STYX: variants seen among roughly 807,000 people sequenced by gnomAD.
STYX encodes serine/threonine/tyrosine interacting protein.
In STYX, 20 loss-of-function variants were observed where a neutral mutation model predicts 42.7. The observed-to-expected ratio is 0.47, with a 90% CI of 0.33 to 0.68. The LOEUF (loss-of-function observed/expected upper bound fraction) is 0.68, where lower values mean the gene tolerates loss of function less well. STYX is among the 30% of genes least tolerant of loss of function. The pLI, the probability that STYX is intolerant of heterozygous loss-of-function variation, is 0.02. For missense variants in STYX, 226 were observed against 268.5 expected (o/e 0.84, Z 1.11); for synonymous variants, 78 against 81.9 (o/e 0.95, Z 0.26).
chr14:52,732,260 G>A (rs1431674075), intron 1 of STYX, among the ~76,000 whole-genome samples: 1 of 134,310 alleles, frequency 7.4e-6, no homozygotes, highest in Non-Finnish European at 1.6e-5. Flanking sequence ...GCACCGCCAG[G>A]CCCAGCTTTT....
intron 9 of STYX, among the ~76,000 whole-genome samples, chr14:52,767,168 A>G (rs2139936725): frequency 6.6e-6 from 1 of 152,302 alleles, no homozygotes; most frequent in African/African-American, 2.4e-5. Context: ...AGATGCACGT[A>G]TTTGGGGAAA....
rs1882548310 is a variant in STYX at position 52,772,426 on chromosome 14, TTAGTTTGTGTGTATAA to T, written c.*1321_*1336del. Reference sequence around the variant, plus strand: ...CACTTTATGGATTTTTGGCTATGTTTTAGTTTGTGTGTATAAAAGTTCTAAGAAAACATTTTTGCTA... The same window carrying T: ...CACTTTATGGATTTTTGGCTATGTTTAAGTTCTAAGAAAACATTTTTGCTA... On this transcript the variant is annotated 3_prime_UTR_variant, in exon 11 of 11. Coordinates refer to ENST00000354586, the MANE Select transcript of STYX (RefSeq NM_145251.4). 1.3e-5 allele frequency: 2 copies of T among 152,624 alleles called. No individual in the cohort carries two copies. Among genetic ancestry groups the T allele is most frequent in the African/African-American group, 4.8e-5 (2 of 41,460 alleles). The allele number at this position is 152,624 out of a possible 1,614,324, so 9.5% of individuals were successfully genotyped here.
At chr14:52,735,293 C>G (rs1880905712) in intron 1 of STYX, among the ~76,000 whole-genome samples, 1 of 152,168 alleles carries the variant, frequency 6.6e-6, no homozygotes, top group Non-Finnish European at 1.5e-5. Flanking sequence ...ACACTTCCAG[C>G]TTCTGTGTTT....
chr14:52,768,025 C>T (rs1205320892), intron 9 of STYX, among the ~76,000 whole-genome samples: 1 of 152,030 alleles, frequency 6.6e-6, no homozygotes, highest in Non-Finnish European at 1.5e-5. Context: ...TAATATGTCC[C>T]ACCTTCTCCC....
intron 4 of STYX, among the ~76,000 whole-genome samples, chr14:52,755,618 A>G (rs1181597150): frequency 6.6e-6 from 1 of 151,862 alleles, no homozygotes; most frequent in Non-Finnish European, 1.5e-5. Flanking sequence ...ATAAGCTAAC[A>G]TATTTAAAAT....
rs1336612691 is a variant in STYX at position 52,773,851 on chromosome 14, T to C, written c.*2745T>C. 6.6e-6 allele frequency: 1 copy of C among 152,182 alleles called. No individual in the cohort carries two copies. The highest frequency in any genetic ancestry group is 6.5e-5 in the Admixed American group (1 of 15,276). 9.4% of individuals were successfully genotyped at this position (152,182 alleles called of 1,614,324 possible). A position where few individuals can be genotyped will look rare whatever the true frequency, so the allele number is the denominator to read the frequency against. On this transcript the variant is annotated 3_prime_UTR_variant, in exon 11 of 11. Transcript: ENST00000354586. ...TATGATAAATTTAACTGATCATGAT[T>C]TATCTTCTAGAGTATTTAAATAATG...
At chr14:52,766,028 G>A (rs975769851) in intron 9 of STYX, among the ~76,000 whole-genome samples, 1 of 152,028 alleles carries the variant, frequency 6.6e-6, no homozygotes, top group Non-Finnish European at 1.5e-5. Flanking sequence ...AGGGGGTCTC[G>A]CACTGTCACC....
intron 9 of STYX, among the ~76,000 whole-genome samples, chr14:52,764,550 A>G (rs1277707456): frequency 6.6e-6 from 1 of 150,852 alleles, no homozygotes; most frequent in Non-Finnish European, 1.5e-5. Context: ...TTATTATTTC[A>G]TATTATGCTT....
intron 1 of STYX, among the ~76,000 whole-genome samples, chr14:52,742,135 G>C (rs1311074062): frequency 2.0e-5 from 3 of 152,180 alleles, no homozygotes; most frequent in African/African-American, 7.2e-5. Context: ...CCCCAAACTT[G>C]AGTGGATGCC....
chr14:52,758,973 T>C (rs1166177119), intron 8 of STYX, among the ~76,000 whole-genome samples: 2 of 152,212 alleles, frequency 1.3e-5, no homozygotes, highest in African/African-American at 4.8e-5. Flanking sequence ...AGACCATTAA[T>C]GTTGGAAATA....
rs1394671383 is a variant in STYX at position 52,757,319 on chromosome 14, A to G, written c.304A>G (p.Thr102Ala). The G allele has an allele frequency of 2.5e-6, 4 of 1,606,318 alleles. No individual in the cohort carries two copies. Among genetic ancestry groups the G allele is most frequent in the Non-Finnish European group, 3.4e-6 (4 of 1,175,074 alleles). Residue 102 changes from threonine to alanine, a missense_variant and splice_region_variant, in exon 6 of 11, where the codon ACT (threonine) becomes GCT (alanine). Thr to Ala is a moderately conservative substitution (Grantham distance 58, BLOSUM62 0). Coordinates refer to ENST00000354586, the MANE Select transcript of STYX (RefSeq NM_145251.4). ...TAATCCACATGTCTTTTGCCTCCAGACTAAGGAATTTATTGATGGGAGCTT... is the reference window on the plus strand; with the variant it reads ...TAATCCACATGTCTTTTGCCTCCAGGCTAAGGAATTTATTGATGGGAGCTT... ...VENIIRFFPM[T>A]KEFIDGSLQM... is the part of the protein sequence containing the mutation.
intron 1 of STYX, 47 bp downstream of exon 1, chr14:52,730,578 C>T (rs1880655809): frequency 6.3e-7 from 1 of 1,596,426 alleles, no homozygotes; most frequent in African/African-American, 1.3e-5. Flanking sequence ...CCCTGTGGCT[C>T]CGGCCGAGGG....
At chr14:52,745,894 C>T (rs1881376674) in intron 2 of STYX, among the ~76,000 whole-genome samples, 1 of 152,118 alleles carries the variant, frequency 6.6e-6, no homozygotes, top group South Asian at 2.1e-4. Flanking sequence ...CCACAAAAGC[C>T]TGGTGGAAGA....
At chr14:52,745,626 A>C (rs964800138) in intron 2 of STYX, among the ~76,000 whole-genome samples, 2 of 152,244 alleles carry the variant, frequency 1.3e-5, no homozygotes, top group African/African-American at 4.8e-5. Flanking sequence ...ATCAAATTGA[A>C]TACTTTCAGT....
intron 1 of STYX, among the ~76,000 whole-genome samples, chr14:52,732,292 A>T (rs200484685): frequency 1.6e-5 from 2 of 124,006 alleles, no homozygotes; most frequent in Admixed American, 8.4e-5. Context: ...TTTGAGACAG[A>T]GTCTCACTCT....
At chr14:52,751,130 A>G (rs1881593347) in intron 4 of STYX, among the ~76,000 whole-genome samples, 1 of 152,110 alleles carries the variant, frequency 6.6e-6, no homozygotes, top group Admixed American at 6.5e-5. Context: ...ATCTACTGTT[A>G]CCTCTTTATT....
intron 1 of STYX, among the ~76,000 whole-genome samples, chr14:52,738,006 GACCCTGTGATCC>G (rs1018366334): frequency 6.6e-6 from 1 of 152,156 alleles, no homozygotes; most frequent in Non-Finnish European, 1.5e-5. Context: ...TCGATCTCCT[GACCCTGTGATCC>G]ACCCTCCTTG....
chr14:52,756,780 C>G (rs1411532816), intron 5 of STYX, among the ~76,000 whole-genome samples, 169 bp downstream of exon 5: 1 of 145,688 alleles, frequency 6.9e-6, no homozygotes, highest in African/African-American at 2.5e-5. Context: ...CTCTGCTTCC[C>G]GGGTTCAAGT....
rs116838457 is a variant in STYX, at chr14:52,772,527, G to A, written c.*1421G>A. 7.1e-4 allele frequency: 108 copies of A among 152,408 alleles called. 1 individual carries two copies. Among genetic ancestry groups the A allele is most frequent in the African/African-American group, 2.5e-3 (104 of 41,478 alleles). 9.4% of individuals were successfully genotyped at this position (152,408 alleles called of 1,614,324 possible). On this transcript the variant is annotated 3_prime_UTR_variant, in exon 11 of 11. Coordinates refer to ENST00000354586, the MANE Select transcript of STYX (RefSeq NM_145251.4). Reference sequence around the variant, plus strand: ...AACTTTTTATAGTTGATGACTTTAGGGTAGCACAAACAAAACTCCTTTGTA... The same window carrying A: ...AACTTTTTATAGTTGATGACTTTAGAGTAGCACAAACAAAACTCCTTTGTA...
Sources: allele counts gnomAD v4.1 joint callset (sites outside exome capture counted in the v4.1 genomes callset), GRCh38; gene constraint gnomAD v4.1.1; transcripts MANE v1.5; gene names NCBI Gene and HGNC (gene_info 2026-07-23, HGNC 2026-07-21).